The following SF3B3 variants were observed in gnomAD, a reference collection of about 807,000 sequenced individuals.
SF3B3 encodes splicing factor 3b subunit 3, also known as SAP 130.
Under a neutral mutation model 139.2 loss-of-function variants are expected in SF3B3, and 33 were observed. The observed-to-expected ratio is 0.24, with a 90% CI of 0.18 to 0.32. The LOEUF (loss-of-function observed/expected upper bound fraction) is 0.32, where lower values mean the gene tolerates loss of function less well. Ranked by LOEUF, SF3B3 falls within the 10% of genes least tolerant of loss-of-function variation. SF3B3 has a pLI of 1.00. For missense variants in SF3B3, 818 were observed against 1,509.4 expected (o/e 0.54, Z 7.59); for synonymous variants, 596 against 563.6 (o/e 1.06, Z -0.81).
intron 15 of SF3B3, among the ~76,000 whole-genome samples, chr16:70,559,805 G>A (rs2050412082): frequency 6.6e-6 from 1 of 150,664 alleles, no homozygotes; most frequent in Admixed American, 6.6e-5. Context: ...GTCTCGCTAT[G>A]TTGGCCAGGT....
At chr16:70,524,899 C>T (rs1234703066) in intron 1 of SF3B3, 1 of 152,068 alleles carries the variant, frequency 6.6e-6, no homozygotes, top group Non-Finnish European at 1.5e-5. Flanking sequence ...CCAGGATGGT[C>T]TCGATCTCCT....
intron 13 of SF3B3, among the ~76,000 whole-genome samples, chr16:70,555,839 C>T (rs1295445594): frequency 6.6e-6 from 1 of 152,182 alleles, no homozygotes. Context: ...ATTCCCTTCA[C>T]CCAGAATATT....
At chr16:70,560,316 A>G (rs2050417214) in intron 15 of SF3B3, 153 bp from the exon 16 acceptor site, 3 of 659,198 alleles carry the variant, frequency 4.6e-6, no homozygotes, top group Non-Finnish European at 7.2e-6. Flanking sequence ...AATGAAATGA[A>G]TGGCTATCGG....
At chr16:70,560,728 G>A in intron 16 of SF3B3, 137 bp downstream of exon 16, 1 of 957,348 alleles carries the variant, frequency 1.0e-6, no homozygotes. Context: ...GAGAAGTCCT[G>A]AGTTTTCCTA....
chr16:70,533,712 C>CAGCAG (rs2050142155), intron 5 of SF3B3, among the ~76,000 whole-genome samples: 1 of 152,140 alleles, frequency 6.6e-6, no homozygotes, highest in Non-Finnish European at 1.5e-5. Context: ...TGATCTAGTT[C>CAGCAG]TATTTTGAAT....
chr16:70,528,879 A>G lies in SF3B3; in HGVS notation c.77A>G (p.Lys26Arg). 6.2e-7 allele frequency: 1 copy of G among 1,606,698 alleles called. No individual in the cohort carries two copies. Among genetic ancestry groups the G allele is most frequent in the South Asian group, 1.1e-5 (1 of 90,770 alleles). ...FAIHGNFSGT[K>R]QQEIVVSRGK... ...TTATTTTTTGGTGATCTAGGAACCA[A>G]ACAACAAGAAATTGTTGTTTCCCGT... Residue 26 changes from lysine (K) to arginine (R), a missense_variant, in exon 3 of 26, where the codon AAA (lysine) becomes AGA (arginine). By Grantham distance (26) the Lys-to-Arg change is conservative. Around this residue, in one of 14 missense-constraint regions of SF3B3, gnomAD observed 144 missense variants for 259.2 expected, o/e 0.56. Transcript: ENST00000302516.
rs1453452884 is a variant in SF3B3, at chr16:70,556,337, G to A, written c.1866+3G>A. ...GAATCATCTCCCTGGATCCCTCAGT[G>A]AGTGACACTCTGAGCTTCAAGGATC... On this transcript the variant is annotated splice_donor_region_variant and intron_variant, in intron 14 of 25. Coordinates refer to ENST00000302516, the MANE Select transcript of SF3B3 (RefSeq NM_012426.5). 1.9e-6 allele frequency: 3 copies of A among 1,614,064 alleles called. No individual in the cohort carries two copies.
At chr16:70,565,586 T>C in intron 20 of SF3B3, 62 bp downstream of exon 20, 1 of 1,494,800 alleles carries the variant, frequency 6.7e-7, no homozygotes, top group South Asian at 1.2e-5. Flanking sequence ...CACTTTTGCT[T>C]ATGTTATGGA....
chr16:70,524,253 C>T (rs1261712890), intron 1 of SF3B3, among the ~76,000 whole-genome samples: 1 of 151,918 alleles, frequency 6.6e-6, no homozygotes, highest in East Asian at 1.9e-4. Context: ...AATGGTACAC[C>T]GAGGGGAAGA....
At chr16:70,526,987 C>T (rs2050070635) in intron 2 of SF3B3, 1 of 543,520 alleles carries the variant, frequency 1.8e-6, no homozygotes, top group Non-Finnish European at 3.3e-6. Context: ...AAGTCGTGTG[C>T]CTATTGCTGT....
At chr16:70,570,988 G>A (rs2050523384) in intron 24 of SF3B3, 107 bp from the exon 25 acceptor site, 2 of 774,158 alleles carry the variant, frequency 2.6e-6, no homozygotes, top group Admixed American at 1.9e-5. Context: ...TATTTCCCGT[G>A]TGTTTGTGTA....
Position 70,574,888 on chromosome 16 carries a change from T to TA in SF3B3, c.*3076dup, listed in dbSNP as rs1249445305. 2 of 152,236 alleles carry TA rather than the reference T, an allele frequency of 1.3e-5. No individual in the cohort carries two copies. The highest frequency in any genetic ancestry group is 4.8e-5 in the African/African-American group (2 of 41,462). The allele number at this position is 152,236 out of a possible 1,614,324, so 9.4% of individuals were successfully genotyped here. ...GGAATATTGTATGTGAATATTTTAT[T>TA]ACACCCTTAAAATTAATTTTCAAGG... On this transcript the variant is annotated 3_prime_UTR_variant, in exon 26 of 26. Coordinates refer to ENST00000302516, the MANE Select transcript of SF3B3 (RefSeq NM_012426.5).
At chr16:70,544,564 G>T in intron 10 of SF3B3, 31 bp downstream of exon 10, 1 of 1,254,158 alleles carries the variant, frequency 8.0e-7, no homozygotes, top group Non-Finnish European at 1.2e-6. Flanking sequence ...TAATCTGCAG[G>T]GTTTGGAGGG....
In SF3B3 at chr16:70,576,414, C is replaced by T. The variant is rs1425181537; in HGVS notation, c.*4601C>T. 6.6e-6 allele frequency: 1 copy of T among 151,934 alleles called. No homozygotes were observed. Among genetic ancestry groups the T allele is most frequent in the African/African-American group, 2.4e-5 (1 of 41,352 alleles). The allele number at this position is 151,934 out of a possible 1,614,324, so 9.4% of individuals were successfully genotyped here. A position where few individuals can be genotyped will look rare whatever the true frequency, so the allele number is the denominator to read the frequency against. On this transcript the variant is annotated 3_prime_UTR_variant, in exon 26 of 26. Coordinates refer to ENST00000302516, the MANE Select transcript of SF3B3 (RefSeq NM_012426.5). The stretch of plus-strand genomic sequence containing the variant: ...AGAGCCTAGTCAAGTTTTAAATTCC[C>T]AGGTCCACTCAGCAGAACTTGCTCC...
chr16:70,534,954 C>G (rs1003368349), intron 5 of SF3B3, among the ~76,000 whole-genome samples: 4 of 152,214 alleles, frequency 2.6e-5, no homozygotes, highest in Non-Finnish European at 5.9e-5. Flanking sequence ...GCATGAGCCA[C>G]CATGCCCAGC....
chr16:70,552,707 G>A (rs1242758133), intron 11 of SF3B3, among the ~76,000 whole-genome samples: 2 of 152,094 alleles, frequency 1.3e-5, no homozygotes, highest in African/African-American at 4.8e-5. Context: ...TTTAATCCTT[G>A]TTTTTCAGCC....
chr16:70,529,736 A>G (rs2050102594), intron 3 of SF3B3: 1 of 152,520 alleles, frequency 6.6e-6, no homozygotes, highest in Non-Finnish European at 1.5e-5. Context: ...TGTATTAGGA[A>G]GAAGGGGGCC....
intron 6 of SF3B3, among the ~76,000 whole-genome samples, chr16:70,536,807 C>CTTTTTT (rs34747226): frequency 8.2e-6 from 1 of 122,652 alleles, no homozygotes; most frequent in African/African-American, 3.0e-5. Context: ...AATTTTCTTT[C>CTTTTTT]TTTTTTTTTT....
intron 5 of SF3B3, among the ~76,000 whole-genome samples, chr16:70,533,008 A>G (rs2050135641): frequency 6.6e-6 from 1 of 152,216 alleles, no homozygotes; most frequent in African/African-American, 2.4e-5. Flanking sequence ...TTGAAAACTT[A>G]AACAAAATAG....
Sources: allele counts gnomAD v4.1 joint callset (sites outside exome capture counted in the v4.1 genomes callset), GRCh38; gene constraint gnomAD v4.1.1; regional missense constraint gnomAD v4.1.1; transcripts MANE v1.5; gene names NCBI Gene and HGNC (gene_info 2026-07-23, HGNC 2026-07-21).